Variants in VPS52 observed in about 807,000 individuals in gnomAD.
VPS52 encodes VPS52 subunit of GARP complex.
VPS52 carries 56 observed loss-of-function variants against 98.7 expected under a neutral mutation model. That is an observed-to-expected ratio of 0.57 (90% CI 0.46 to 0.71). VPS52 has a LOEUF of 0.71. VPS52 is among the 30% of genes least tolerant of loss of function. The probability of loss-of-function intolerance (pLI) is 0.00; values close to 1 mark genes in which losing one functional copy is unlikely to be tolerated. For synonymous variants in VPS52, 348 were observed against 346.4 expected (o/e 1.00, Z -0.05); for missense variants, 742 against 925.9 (o/e 0.80, Z 2.58).
chr6:33,265,052 G>A (rs1764136059), intron 12 of VPS52, 152 bp from the exon 13 acceptor site: 1 of 736,518 alleles, frequency 1.4e-6, no homozygotes, highest in Non-Finnish European at 2.3e-6. Context: ...CTGCTTTCCT[G>A]TCCAGGATCT....
In VPS52 at chr6:33,251,446, G is replaced by A. The variant is rs749657387; in HGVS notation, c.2025+72C>T. ...GACCAAGGGTCACTTAGATGATGCT[G>A]AGCCCAGCAAAAAGATGGGGAAAAT... On this transcript the variant is annotated intron_variant, in intron 19 of 19. Coordinates refer to ENST00000445902, the MANE Select transcript of VPS52 (RefSeq NM_022553.6). 6.6e-6 allele frequency: 7 copies of A among 1,059,916 alleles called. No individual in the cohort carries two copies. The African/African-American group carries it at 1.1e-4, about 17-fold the overall frequency. 65.7% of individuals were successfully genotyped at this position (1,059,916 alleles called of 1,614,324 possible). A position where few individuals can be genotyped will look rare whatever the true frequency, so the allele number is the denominator to read the frequency against.
rs750276353 is a variant in VPS52 at position 33,266,705 on chromosome 6, A to G, written c.1133T>C (p.Phe378Ser). ...TAQRGEQRYP[F>S]EALFRSQHYA... ...GTGCTGGCTGCGGAAGAGGGCCTCA[A>G]ATGGATACTGGGAGAGGAGGAGTAA... The change falls in exon 12 of 20, where the codon TTT becomes TCT. Residue 378 changes from phenylalanine to serine, a missense_variant. This residue lies in a region of VPS52 where 590 missense variants were observed against 793.3 expected (regional missense o/e 0.74). Transcript: ENST00000445902. The G allele has an allele frequency of 6.2e-7, 1 of 1,609,484 alleles. No individual in the cohort carries two copies.
intron 17 of VPS52, among the ~76,000 whole-genome samples, chr6:33,259,224 C>T (rs1424338184): frequency 6.6e-6 from 1 of 152,178 alleles, no homozygotes; most frequent in Non-Finnish European, 1.5e-5. Flanking sequence ...GAGTAGAAAG[C>T]AGTTAAGCAC....
intron 17 of VPS52, among the ~76,000 whole-genome samples, chr6:33,252,217 A>G (rs1015635596): frequency 6.6e-6 from 1 of 152,282 alleles, no homozygotes. Context: ...CAAGAGAGTC[A>G]GCAGACACAA....
Position 33,267,582 on chromosome 6 carries a change from A to C in VPS52, c.991+100T>G. ...CTTTCATCACATTCTAAAAGGTTTC[A>C]GTCCCATAGGAAAAGGTAAGGAGCA... On this transcript the variant is annotated intron_variant, in intron 10 of 19. Transcript: ENST00000445902. The surrounding 1 kb of genome is among the most constrained non-coding windows in gnomAD (Gnocchi z 4.2). 7.1e-7 allele frequency: 1 copy of C among 1,410,094 alleles called. No individual in the cohort carries two copies. Among genetic ancestry groups the C allele is most frequent in the Non-Finnish European group, 9.8e-7 (1 of 1,018,428 alleles). The allele number at this position is 1,410,094 out of a possible 1,614,324, so 87.3% of individuals were successfully genotyped here. A position where few individuals can be genotyped will look rare whatever the true frequency, so the allele number is the denominator to read the frequency against.
rs778227539 is a variant in VPS52 at position 33,270,237 on chromosome 6, T to C, written c.137A>G (p.Asp46Gly). 5 of 1,613,512 alleles carry C rather than the reference T, an allele frequency of 3.1e-6. No homozygotes were observed. In the South Asian group the frequency reaches 5.5e-5, roughly 18 times the overall value. ...LQEPLQLGEL[D>G]ITSDEFILDE... ...CAGGATGAATTCATCAGAAGTGATATCCAACTCCCCAAGTTGCAGTGGTTC... is the reference window on the plus strand; with the variant it reads ...CAGGATGAATTCATCAGAAGTGATACCCAACTCCCCAAGTTGCAGTGGTTC... The change falls in exon 2 of 20, where the codon GAT (aspartate) becomes GGT (glycine). Residue 46 changes from aspartate (D) to glycine (G), a missense_variant. By Grantham distance (94) the Asp-to-Gly change is moderately conservative (BLOSUM62 -1). Around this residue, in one of 2 missense-constraint regions of VPS52, gnomAD observed 152 missense variants for 132.6 expected, o/e 1.15. Coordinates refer to ENST00000445902, the MANE Select transcript of VPS52 (RefSeq NM_022553.6).
Position 33,264,476 on chromosome 6 carries a change from G to A in VPS52, c.1422C>T (p.Ala474=), listed in dbSNP as rs1229956847. The change falls in exon 14 of 20, where the codon GCC becomes GCT. Residue 474 remains alanine (A), a synonymous_variant. Coordinates refer to ENST00000445902, the MANE Select transcript of VPS52 (RefSeq NM_022553.6). ...ALDRYWEQVL[A]LLWPRFELIL... ...TCAGTTCAAACCGTGGCCATAGCAA[G>A]GCAAGCACCTGTTCCCAGTACCTGT... 1.2e-6 allele frequency: 2 copies of A among 1,614,048 alleles called. No homozygotes were observed. Among genetic ancestry groups the A allele is most frequent in the South Asian group, 1.1e-5 (1 of 91,084 alleles).
intron 14 of VPS52, 130 bp downstream of exon 14, chr6:33,264,244 G>T: frequency 6.4e-7 from 1 of 1,554,432 alleles, no homozygotes; most frequent in Non-Finnish European, 8.8e-7. Context: ...CTCACCATGA[G>T]TTTCACCACC....
intron 12 of VPS52, among the ~76,000 whole-genome samples, chr6:33,265,251 A>G (rs893745591): frequency 1.3e-5 from 2 of 151,908 alleles, no homozygotes; most frequent in Non-Finnish European, 2.9e-5. Context: ...TAATTTTTGT[A>G]TTTTAGTAGA....
In VPS52 at chr6:33,271,495, A is replaced by C. The variant is rs1284637141; in HGVS notation, c.90+91T>G. The C allele has an allele frequency of 1.6e-5, 24 of 1,525,078 alleles. No individual in the cohort carries two copies. The Admixed American group carries it at 4.7e-4, about 30-fold the overall frequency. The allele number at this position is 1,525,078 out of a possible 1,614,324, so 94.5% of individuals were successfully genotyped here. The stretch of plus-strand genomic sequence containing the variant: ...ACAGGTAATATCACGGGTAGCAGCC[A>C]AGTTCCCACCCTTGTGCCTAAACCC... On this transcript the variant is annotated intron_variant, in intron 1 of 19. Transcript: ENST00000445902.
At position 33,269,772 on chromosome 6, in the gene VPS52, CTG is replaced by C; in HGVS notation, c.274_275del (p.Gln92AlafsTer3). 6.2e-7 allele frequency: 1 copy of C among 1,613,776 alleles called. No homozygotes were observed. The highest frequency in any genetic ancestry group is 8.5e-7 in the Non-Finnish European group (1 of 1,179,990). On this transcript the variant is annotated frameshift_variant, in exon 4 of 20. Transcript: ENST00000445902. LOFTEE classifies it high-confidence loss of function. ...CCCGAATGGATTTCTGTTCAATCTG[CTG>C]TAGCTCCAGCTCAACTTGCTTTGAA... ...HYSKQVELEL[Q>X]QIEQKSIRDY...
chr6:33,263,515 C>T lies in VPS52; in HGVS notation c.1763G>A (p.Ser588Asn), dbSNP rs1763921114. Residue 588 changes from serine (S) to asparagine (N), a missense_variant, in exon 17 of 20, where the codon AGC (serine) becomes AAC (asparagine). Ser to Asn is a conservative substitution (Grantham distance 46, BLOSUM62 1). Around this residue, in one of 2 missense-constraint regions of VPS52, gnomAD observed 590 missense variants for 793.3 expected, o/e 0.74. Coordinates refer to ENST00000445902, the MANE Select transcript of VPS52 (RefSeq NM_022553.6). ...RAADDSKEVE[S>N]FQQLLNARTQ... ...CCGAGCATTGAGCAGCTGCTGGAAGCTCTCAACCTCTTTGCTGTCATCTGC... is the reference window on the plus strand; with the variant it reads ...CCGAGCATTGAGCAGCTGCTGGAAGTTCTCAACCTCTTTGCTGTCATCTGC... 1 of 1,613,998 alleles carries T rather than the reference C, an allele frequency of 6.2e-7. No individual in the cohort carries two copies. The highest frequency in any genetic ancestry group is 8.5e-7 in the Non-Finnish European group (1 of 1,180,000).
At position 33,267,587 on chromosome 6, in the gene VPS52, C is replaced by T. The variant is rs1357557590; in HGVS notation, c.991+95G>A. 1 of 1,450,656 alleles carries T rather than the reference C, an allele frequency of 6.9e-7. No homozygotes were observed. The highest frequency in any genetic ancestry group is 9.5e-7 in the Non-Finnish European group (1 of 1,051,692). 89.9% of individuals were successfully genotyped at this position (1,450,656 alleles called of 1,614,324 possible). On this transcript the variant is annotated intron_variant, in intron 10 of 19. Coordinates refer to ENST00000445902, the MANE Select transcript of VPS52 (RefSeq NM_022553.6). This position sits in a 1 kb window ranked among gnomAD's most constrained non-coding sequence, Gnocchi z 4.2. ...ATCACATTCTAAAAGGTTTCAGTCC[C>T]ATAGGAAAAGGTAAGGAGCAGTGCA...
Position 33,252,976 on chromosome 6 carries a change from C to G in VPS52, c.1795-1005G>C, listed in dbSNP as rs181306460. Among the ~76,000 whole-genome samples, 53 of 152,164 alleles carry G rather than the reference C, an allele frequency of 3.5e-4. 1 individual carries two copies. The highest frequency in any genetic ancestry group is 1.6e-3 in the Admixed American group (24 of 15,268). On this transcript the variant is annotated intron_variant, in intron 17 of 19. Coordinates refer to ENST00000445902, the MANE Select transcript of VPS52 (RefSeq NM_022553.6). ...TTTAAATCTGACCAAGCCTTTCCAT[C>G]TAATTACACACTTATGAGAAATACA...
intron 17 of VPS52, among the ~76,000 whole-genome samples, chr6:33,261,753 C>A (rs1266485775): frequency 6.6e-6 from 1 of 151,756 alleles, no homozygotes; most frequent in Non-Finnish European, 1.5e-5. Flanking sequence ...TACAAAGCTT[C>A]TGCACAGCTG....
intron 17 of VPS52, chr6:33,254,921 C>T (rs1762752919): frequency 6.6e-6 from 1 of 152,130 alleles, no homozygotes; most frequent in African/African-American, 2.4e-5. Flanking sequence ...AGCGATCCTC[C>T]CTGCCTTGGC....
chr6:33,262,551 T>G (rs557439492), intron 17 of VPS52, among the ~76,000 whole-genome samples: 45 of 152,238 alleles, frequency 3.0e-4, no homozygotes, highest in African/African-American at 1.0e-3. Flanking sequence ...ATCAGTACAT[T>G]GAAGAGATAT....
chr6:33,264,608 G>C (rs1270547415), intron 13 of VPS52, 111 bp from the exon 14 acceptor site: 5 of 1,533,156 alleles, frequency 3.3e-6, no homozygotes, highest in Admixed American at 1.7e-5. Context: ...TGGGGGTTGG[G>C]GGGCAGTGGT....
In VPS52 at chr6:33,269,521, T is replaced by C. The variant is rs1365589480; in HGVS notation, c.341A>G (p.Asn114Ser). The change falls in exon 5 of 20, where the codon AAC becomes AGC. Residue 114 changes from asparagine to serine, a missense_variant. Physicochemically the swap from Asn to Ser is conservative, Grantham distance 46. Coordinates refer to ENST00000445902, the MANE Select transcript of VPS52 (RefSeq NM_022553.6). ...QESENIASLH[N>S]QITACDAVLE... ...GACAGCATCACAGGCTGTGATCTGG[T>C]TGTGTAGAGATGCTATATTCTCACT... 1 of 1,613,316 alleles carries C rather than the reference T, an allele frequency of 6.2e-7. No homozygotes were observed. Among genetic ancestry groups the C allele is most frequent in the African/African-American group, 1.3e-5 (1 of 74,974 alleles).
Sources: allele counts gnomAD v4.1 joint callset (sites outside exome capture counted in the v4.1 genomes callset), GRCh38; gene constraint gnomAD v4.1.1; regional missense constraint gnomAD v4.1.1; non-coding constraint Gnocchi (gnomAD v3.1); transcripts MANE v1.5; gene names NCBI Gene and HGNC (gene_info 2026-07-23, HGNC 2026-07-21).